MOXD1: variants seen among roughly 807,000 people sequenced by gnomAD.
MOXD1 encodes monooxygenase DBH like 1, also known as DBH-like monooxygenase protein 1.
A neutral mutation model predicts 66.6 loss-of-function variants in MOXD1; 62 were observed. The observed-to-expected ratio is 0.93, with a 90% confidence interval of 0.76 to 1.15. The LOEUF is 1.15. Ranked by LOEUF, MOXD1 falls within the 50% of genes most tolerant of loss-of-function variation. MOXD1 has a pLI of 0.00. For missense variants in MOXD1, 847 were observed against 754.6 expected (o/e 1.12, Z -1.44); for synonymous variants, 303 against 281.9 (o/e 1.07, Z -0.75).
intron 4 of MOXD1, 108 bp downstream of exon 4, chr6:132,372,500 T>C (rs1406652288): frequency 2.8e-6 from 3 of 1,081,044 alleles, no homozygotes; most frequent in Admixed American, 2.5e-5. Flanking sequence ...TAAAAAACTT[T>C]CAAATAATTG....
intron 4 of MOXD1, among the ~76,000 whole-genome samples, chr6:132,332,181 A>G (rs536548897): frequency 1.3e-5 from 2 of 152,342 alleles, no homozygotes; most frequent in African/African-American, 4.8e-5. Context: ...GAGGGCTTCA[A>G]GAAGAATTAA....
At chr6:132,303,444 T>C (rs1290739987) in intron 10 of MOXD1, among the ~76,000 whole-genome samples, 2 of 152,022 alleles carry the variant, frequency 1.3e-5, no homozygotes, top group Admixed American at 1.3e-4. Flanking sequence ...TTATATAAAA[T>C]GGTGTAGTAG....
intron 1 of MOXD1, among the ~76,000 whole-genome samples, chr6:132,397,700 A>AAGAG (rs1406730936): frequency 5.4e-5 from 8 of 148,490 alleles, no homozygotes; most frequent in East Asian, 4.0e-4. Context: ...GAAAGAAAGA[A>AAGAG]AAAGAAAGAG....
intron 4 of MOXD1, among the ~76,000 whole-genome samples, chr6:132,359,002 A>T (rs1011527199): frequency 5.3e-5 from 8 of 152,230 alleles, no homozygotes; most frequent in Non-Finnish European, 1.2e-4. Context: ...GACATTAGCG[A>T]TGGAAATGGA....
At position 132,378,875 on chromosome 6, in the gene MOXD1, C is replaced by CTTTTTTTTTTTTTTTTTTTTTTTTTTT; in HGVS notation, c.265-4125_265-4099dup. Among the ~76,000 whole-genome samples, 2 of 41,916 alleles carry CTTTTTTTTTTTTTTTTTTTTTTTTTTT rather than the reference C, an allele frequency of 4.8e-5. 1 individual carries two copies. Among genetic ancestry groups the CTTTTTTTTTTTTTTTTTTTTTTTTTTT allele is most frequent in the Non-Finnish European group, 1.3e-4 (2 of 15,744 alleles). The allele number at this position is 41,916 out of a possible 152,430, so 27.5% of individuals were successfully genotyped here. On this transcript the variant is annotated intron_variant, in intron 1 of 11. Coordinates refer to ENST00000367963, the MANE Select transcript of MOXD1 (RefSeq NM_015529.4). ...AATGAAAGAGGACAGAACACTTCCTCTTTTTTTTTTTTTTTTTTTTTTTTT... is the reference window on the plus strand; with the variant it reads ...AATGAAAGAGGACAGAACACTTCCTCTTTTTTTTTTTTTTTTTTTTTTTTTTTTTTTTTTTTTTTTTTTTTTTTTTTT...
At chr6:132,399,009 G>C (rs1776961609) in intron 1 of MOXD1, among the ~76,000 whole-genome samples, 1 of 150,926 alleles carries the variant, frequency 6.6e-6, no homozygotes, top group Admixed American at 6.6e-5. Context: ...TCTCACACTA[G>C]TGTATGAAGA....
intron 4 of MOXD1, among the ~76,000 whole-genome samples, chr6:132,363,682 T>C (rs975214423): frequency 3.9e-5 from 6 of 152,146 alleles, no homozygotes; most frequent in Non-Finnish European, 7.4e-5. Flanking sequence ...TGTGTTCATA[T>C]GGAAAGTGGT....
At chr6:132,386,630 C>G (rs1468407670) in intron 1 of MOXD1, among the ~76,000 whole-genome samples, 1 of 151,220 alleles carries the variant, frequency 6.6e-6, no homozygotes, top group Non-Finnish European at 1.5e-5. Flanking sequence ...AGTGTAAATG[C>G]AAAGTAATTT....
intron 8 of MOXD1, among the ~76,000 whole-genome samples, chr6:132,320,976 T>C (rs1775066355): frequency 6.6e-6 from 1 of 152,170 alleles, no homozygotes; most frequent in Admixed American, 6.6e-5. Flanking sequence ...AAAATTGTTC[T>C]TATTTTTGGC....
chr6:132,383,504 C>T (rs547597929), intron 1 of MOXD1, among the ~76,000 whole-genome samples: 1 of 152,122 alleles, frequency 6.6e-6, no homozygotes, highest in Non-Finnish European at 1.5e-5. Flanking sequence ...GAAAGAGGCC[C>T]ACCTGAGCAA....
At chr6:132,342,587 G>A (rs1775587434) in intron 4 of MOXD1, among the ~76,000 whole-genome samples, 1 of 152,122 alleles carries the variant, frequency 6.6e-6, no homozygotes, top group African/African-American at 2.4e-5. Flanking sequence ...AACACAACAT[G>A]AAGATTAGAT....
In MOXD1 at chr6:132,401,278, A is replaced by C; in HGVS notation, c.149T>G (p.Phe50Cys). 2 of 1,598,524 alleles carry C rather than the reference A, an allele frequency of 1.3e-6. No homozygotes were observed. Among genetic ancestry groups the C allele is most frequent in the Non-Finnish European group, 8.5e-7 (1 of 1,177,722 alleles). The change falls in exon 1 of 12, where the codon TTC becomes TGC. Residue 50 changes from phenylalanine to cysteine, a missense_variant. Physicochemically the swap from Phe to Cys is radical, Grantham distance 205. Coordinates refer to ENST00000367963, the MANE Select transcript of MOXD1 (RefSeq NM_015529.4). ...GWSQRGSQIA[F>C]RLQVRTAGYV... is the part of the protein sequence containing the mutation. Reference sequence around the variant, plus strand: ...GCCTGCAGTGCGCACCTGGAGGCGGAAGGCGATCTGGCTGCCCCGCTGGCT... The same window carrying C: ...GCCTGCAGTGCGCACCTGGAGGCGGCAGGCGATCTGGCTGCCCCGCTGGCT...
At chr6:132,398,954 A>G (rs532969061) in intron 1 of MOXD1, among the ~76,000 whole-genome samples, 82 of 151,672 alleles carry the variant, frequency 5.4e-4, no homozygotes, top group African/African-American at 1.3e-3. Context: ...AAAAAAAAAA[A>G]AGAGAATCCT....
intron 4 of MOXD1, among the ~76,000 whole-genome samples, chr6:132,345,810 G>A (rs1582585250): frequency 6.6e-6 from 1 of 152,054 alleles, no homozygotes; most frequent in East Asian, 1.9e-4. Flanking sequence ...ATAACTAAAG[G>A]AGTCTTTTTT....
chr6:132,387,662 G>C (rs1207743198), intron 1 of MOXD1, among the ~76,000 whole-genome samples: 1 of 147,374 alleles, frequency 6.8e-6, no homozygotes. Flanking sequence ...GCTGAGGCAG[G>C]AGAATCATTT....
chr6:132,394,157 C>A (rs187510960), intron 1 of MOXD1, among the ~76,000 whole-genome samples: 3 of 152,258 alleles, frequency 2.0e-5, no homozygotes, highest in East Asian at 3.9e-4. Flanking sequence ...ACAACCTCCA[C>A]TAATAATCAC....
intron 4 of MOXD1, among the ~76,000 whole-genome samples, chr6:132,352,673 T>C (rs917713274): frequency 2.6e-5 from 4 of 152,222 alleles, no homozygotes; most frequent in Non-Finnish European, 5.9e-5. Context: ...ATAGTTTTAA[T>C]CCATTGTTTC....
chr6:132,316,822 C>A (rs1222031247), intron 9 of MOXD1, among the ~76,000 whole-genome samples: 1 of 151,998 alleles, frequency 6.6e-6, no homozygotes, highest in African/African-American at 2.4e-5. Context: ...ATACATGTAA[C>A]TGGAGTTCTA....
intron 10 of MOXD1, among the ~76,000 whole-genome samples, chr6:132,311,992 A>G (rs564155015): frequency 1.3e-5 from 2 of 152,152 alleles, no homozygotes; most frequent in South Asian, 2.1e-4. Context: ...AGAACCAATA[A>G]CACAGGAACT....
Sources: gnomAD v4.1 joint callset for allele counts (sites outside exome capture counted in the v4.1 genomes callset) on GRCh38, gnomAD v4.1.1 for gene constraint, MANE v1.5 for transcripts, NCBI Gene and HGNC (gene_info 2026-07-23, HGNC 2026-07-21) for gene names.